ACAD10: variants seen among roughly 807,000 people sequenced by gnomAD.
The protein encoded by ACAD10 is ACAD-10.
Under a neutral mutation model 116.8 loss-of-function variants are expected in ACAD10, and 112 were observed. That is an observed-to-expected ratio of 0.96 (90% confidence interval 0.82 to 1.12). The LOEUF is 1.12. Among genes scored for constraint, ACAD10 ranks in the 50% most tolerant of loss-of-function variants. The pLI is 0.00. For missense variants in ACAD10, 1,259 were observed against 1,350.2 expected, an observed-to-expected ratio of 0.93 and a Z score of 1.06; for synonymous variants, 486 against 510.6, an observed-to-expected ratio of 0.95 and a Z score of 0.65.
intron 17 of ACAD10, 147 bp from the exon 18 acceptor site, chr12:111,749,026 C>G (rs754034040): frequency 1.5e-5 from 25 of 1,612,930 alleles, no homozygotes; most frequent in Non-Finnish European, 1.9e-5. Context: ...TTCCTGCCGT[C>G]CTTTTCCCTT....
chr12:111,733,918 T>C lies in ACAD10; in HGVS notation c.1395-5T>C, dbSNP rs757769367. 1.2e-6 allele frequency: 2 copies of C among 1,614,158 alleles called. No individual in the cohort carries two copies. The highest frequency in any genetic ancestry group is 1.7e-6 in the Non-Finnish European group (2 of 1,180,034). On this transcript the variant is annotated splice_region_variant and splice_polypyrimidine_tract_variant and intron_variant, in intron 10 of 20. Coordinates refer to ENST00000313698, the MANE Select transcript of ACAD10 (RefSeq NM_025247.6). The stretch of plus-strand genomic sequence containing the variant: ...GCTGTCTCTATTCCTCCTGCGACTT[T>C]TCAGGCTCGACAACCTGGTGTTTCA...
At chr12:111,691,743 C>A (rs1209749669) in intron 1 of ACAD10, among the ~76,000 whole-genome samples, 1 of 151,226 alleles carries the variant, frequency 6.6e-6, no homozygotes, top group Non-Finnish European at 1.5e-5. Context: ...TACAGGCACC[C>A]AACACCATGC....
chr12:111,732,368 T>C (rs887920552), intron 10 of ACAD10, among the ~76,000 whole-genome samples: 1 of 152,176 alleles, frequency 6.6e-6, no homozygotes, highest in Admixed American at 6.6e-5. Flanking sequence ...AAGGGTAATA[T>C]ATCATTTATG....
intron 17 of ACAD10, 150 bp from the exon 18 acceptor site, chr12:111,749,023 C>T (rs777037734): frequency 1.9e-5 from 31 of 1,612,862 alleles, no homozygotes; most frequent in East Asian, 2.2e-5. Flanking sequence ...TGTTTCCTGC[C>T]GTCCTTTTCC....
intron 1 of ACAD10, chr12:111,690,487 A>C (rs1405921207): frequency 6.6e-6 from 1 of 152,048 alleles, no homozygotes; most frequent in African/African-American, 2.4e-5. Flanking sequence ...CTCAACCTCT[A>C]CAGTTTTTTA....
At chr12:111,737,458 A>G (rs1252741943) in intron 12 of ACAD10, among the ~76,000 whole-genome samples, 2 of 152,196 alleles carry the variant, frequency 1.3e-5, no homozygotes, top group Non-Finnish European at 1.5e-5. Flanking sequence ...AAGTGCTGGG[A>G]TTACAGGTGT....
intron 1 of ACAD10, among the ~76,000 whole-genome samples, chr12:111,692,247 A>G (rs11066002): frequency 3.8e-4 from 58 of 152,196 alleles, no homozygotes; most frequent in Admixed American, 8.5e-4. Flanking sequence ...GGATTACAGG[A>G]GTGAGCCACC....
chr12:111,724,975 C>T (rs1334177300), intron 8 of ACAD10, among the ~76,000 whole-genome samples: 1 of 151,998 alleles, frequency 6.6e-6, no homozygotes, highest in Non-Finnish European at 1.5e-5. Context: ...TCTCTTCTTT[C>T]CTAATGTTTT....
At chr12:111,701,893 T>G (rs962122945) in intron 2 of ACAD10, among the ~76,000 whole-genome samples, 2 of 152,144 alleles carry the variant, frequency 1.3e-5, no homozygotes, top group Non-Finnish European at 2.9e-5. Flanking sequence ...GGAATAAAAT[T>G]CATCATGCAG....
Position 111,713,279 on chromosome 12 carries a change from C to G in ACAD10, c.850+622C>G, listed in dbSNP as rs1343592062. ...TCAGCCGAGATCGTGCTACTGCACT[C>G]CAGCCTGGGTGACAGAGCAAGACTC... On this transcript the variant is annotated intron_variant, in intron 6 of 20. Coordinates refer to ENST00000313698, the MANE Select transcript of ACAD10 (RefSeq NM_025247.6). Among the ~76,000 whole-genome samples, 7 of 150,736 alleles carry G rather than the reference C, an allele frequency of 4.6e-5. No individual in the cohort carries two copies. The East Asian group carries it at 9.9e-4, about 21-fold the overall frequency.
At position 111,710,589 on chromosome 12, in the gene ACAD10, G is replaced by A. The variant is rs1206835853; in HGVS notation, c.690+905G>A. On this transcript the variant is annotated intron_variant, in intron 5 of 20. Coordinates refer to ENST00000313698, the MANE Select transcript of ACAD10 (RefSeq NM_025247.6). ...GGCTCACTGTAACCTCTGCCTCCCT[G>A]GTTCAAGCAATTCTCGTGTGTCAGC... Among the ~76,000 whole-genome samples the A allele has an allele frequency of 4.6e-5, 7 of 151,452 alleles. 1 individual carries two copies. Among genetic ancestry groups the A allele is most frequent in the Admixed American group, 4.6e-4 (7 of 15,178 alleles).
rs1215291817 is a variant in ACAD10, at chr12:111,755,751, C to T, written c.3039+6C>T. 1.9e-6 allele frequency: 3 copies of T among 1,613,324 alleles called. No homozygotes were observed. The highest frequency in any genetic ancestry group is 2.5e-6 in the Non-Finnish European group (3 of 1,179,600). On this transcript the variant is annotated splice_donor_region_variant and intron_variant, in intron 20 of 20. Transcript: ENST00000313698. ...TGATTGATCGTGCGATTCAGGTGAGCACAGACCAGACAGTTGGCTTATTTG... is the reference window on the plus strand; with the variant it reads ...TGATTGATCGTGCGATTCAGGTGAGTACAGACCAGACAGTTGGCTTATTTG...
intron 18 of ACAD10, 97 bp from the exon 19 acceptor site, chr12:111,753,675 G>C: frequency 1.9e-6 from 3 of 1,546,270 alleles, no homozygotes; most frequent in South Asian, 1.1e-5. Flanking sequence ...GCCCTGTCCT[G>C]TCTGCTTCCA....
intron 12 of ACAD10, 42 bp from the exon 13 acceptor site, chr12:111,744,601 G>C (rs1207069050): frequency 1.9e-6 from 3 of 1,578,004 alleles, no homozygotes; most frequent in Non-Finnish European, 2.6e-6. Context: ...CCTATGATGG[G>C]TCGTGTGGGA....
At chr12:111,695,962 T>A in intron 2 of ACAD10, among the ~76,000 whole-genome samples, 1 of 150,156 alleles carries the variant, frequency 6.7e-6, no homozygotes, top group African/African-American at 2.5e-5. Context: ...TGCAGTGAGC[T>A]GAGATCATAC....
intron 12 of ACAD10, among the ~76,000 whole-genome samples, chr12:111,741,699 A>G (rs1387424825): frequency 6.6e-6 from 1 of 152,226 alleles, no homozygotes; most frequent in Admixed American, 6.5e-5. Context: ...TTTTGAAAGA[A>G]TAATATAAAA....
chr12:111,747,708 T>G, intron 16 of ACAD10: 3 of 1,153,634 alleles, frequency 2.6e-6, no homozygotes, highest in Non-Finnish European at 3.2e-6. Context: ...CTTGGTGGCT[T>G]CCTGGCTCCT....
At chr12:111,688,131 C>G (rs1041497765) in intron 1 of ACAD10, 1 of 152,222 alleles carries the variant, frequency 6.6e-6, no homozygotes, top group Non-Finnish European at 1.5e-5. Context: ...TCCCAAAGTG[C>G]TGGGATGACA....
chr12:111,699,643 G>A (rs1342825413), intron 2 of ACAD10, among the ~76,000 whole-genome samples: 1 of 152,126 alleles, frequency 6.6e-6, no homozygotes, highest in Non-Finnish European at 1.5e-5. Flanking sequence ...AGACATGGTG[G>A]ATGTGATGGC....
Sources: gnomAD v4.1 joint callset for allele counts (sites outside exome capture counted in the v4.1 genomes callset) on GRCh38, gnomAD v4.1.1 for gene constraint, MANE v1.5 for transcripts, NCBI Gene and HGNC (gene_info 2026-07-23, HGNC 2026-07-21) for gene names.